KCNB2: variants seen among roughly 807,000 people sequenced by gnomAD.
KCNB2 encodes potassium voltage-gated channel subfamily B member 2.
Under a neutral mutation model 61.5 loss-of-function variants are expected in KCNB2, and 15 were observed. The observed-to-expected ratio is 0.24, with a 90% confidence interval of 0.16 to 0.38. The LOEUF is 0.38. Among genes scored for constraint, KCNB2 ranks in the 10% least tolerant of loss-of-function variants. KCNB2 has a pLI of 1.00. For missense variants in KCNB2, 828 were observed against 1,125.2 expected (o/e 0.74, Z 3.78); for synonymous variants, 457 against 446.0 (o/e 1.02, Z -0.31).
chr8:72,621,562 T>C (rs1484135733), intron 2 of KCNB2, among the ~76,000 whole-genome samples: 1 of 152,200 alleles, frequency 6.6e-6, no homozygotes, highest in Admixed American at 6.5e-5. Flanking sequence ...TTAATGTTCG[T>C]GGGTACATAG....
chr8:72,886,155 C>A (rs1404335431), intron 2 of KCNB2, among the ~76,000 whole-genome samples: 1 of 152,098 alleles, frequency 6.6e-6, no homozygotes, highest in African/African-American at 2.4e-5. Flanking sequence ...TTTTAGATAT[C>A]CTGTGTACCT....
intron 2 of KCNB2, among the ~76,000 whole-genome samples, chr8:72,586,008 T>C (rs1471067869): frequency 6.6e-6 from 1 of 152,234 alleles, no homozygotes; most frequent in Non-Finnish European, 1.5e-5. Context: ...TCTCTTTCAC[T>C]CTAAGTAGAC....
At chr8:72,930,398 C>T (rs1191953788) in intron 2 of KCNB2, among the ~76,000 whole-genome samples, 2 of 152,034 alleles carry the variant, frequency 1.3e-5, no homozygotes, top group Non-Finnish European at 2.9e-5. Context: ...ATGGTTGAAC[C>T]AGTTTACAGT....
At chr8:72,845,606 G>A (rs1809975565) in intron 2 of KCNB2, among the ~76,000 whole-genome samples, 1 of 152,222 alleles carries the variant, frequency 6.6e-6, no homozygotes, top group East Asian at 1.9e-4. Flanking sequence ...CCCGACTGGG[G>A]CTGCTGCCTT....
chr8:72,817,864 C>G (rs765641352), intron 2 of KCNB2, among the ~76,000 whole-genome samples: 1 of 152,088 alleles, frequency 6.6e-6, no homozygotes, highest in African/African-American at 2.4e-5. Flanking sequence ...CATTCTCAGT[C>G]GTTCTAAAAT....
intron 2 of KCNB2, among the ~76,000 whole-genome samples, chr8:72,869,748 TA>T (rs1458940298): frequency 9.2e-5 from 14 of 152,192 alleles, no homozygotes; most frequent in Non-Finnish European, 4.4e-5. Flanking sequence ...GGTTGAAATG[TA>T]AATGAGTATA....
chr8:72,614,573 T>C (rs1169662410), intron 2 of KCNB2, among the ~76,000 whole-genome samples: 1 of 152,170 alleles, frequency 6.6e-6, no homozygotes, highest in African/African-American at 2.4e-5. Context: ...CTGACTGTTG[T>C]TGTTAGTGGA....
intron 2 of KCNB2, among the ~76,000 whole-genome samples, chr8:72,627,950 T>G (rs1805816580): frequency 6.6e-6 from 1 of 152,154 alleles, no homozygotes; most frequent in Non-Finnish European, 1.5e-5. Context: ...ACTTTTTTTT[T>G]GGCTTTTTGT....
intron 2 of KCNB2, among the ~76,000 whole-genome samples, chr8:72,638,399 C>A (rs143572170): frequency 2.6e-5 from 4 of 152,190 alleles, no homozygotes; most frequent in East Asian, 1.9e-4. Context: ...CTATTTCCAC[C>A]TAGCACACTG....
At chr8:72,701,106 A>G (rs138747610) in intron 2 of KCNB2, among the ~76,000 whole-genome samples, 17 of 152,108 alleles carry the variant, frequency 1.1e-4, no homozygotes, top group African/African-American at 3.9e-4. Context: ...AGAGTTGAAA[A>G]ACTAACTGTT....
intron 2 of KCNB2, among the ~76,000 whole-genome samples, chr8:72,900,522 A>G (rs1585963017): frequency 6.6e-6 from 1 of 152,160 alleles, no homozygotes; most frequent in East Asian, 1.9e-4. Context: ...AAAGAGCTTC[A>G]GCACAGCAAA....
chr8:72,933,500 A>T (rs1419179376), intron 2 of KCNB2, among the ~76,000 whole-genome samples: 1 of 152,250 alleles, frequency 6.6e-6, no homozygotes, highest in African/African-American at 2.4e-5. Flanking sequence ...AATCTAGAGT[A>T]TGGATTGTCA....
intron 1 of KCNB2, among the ~76,000 whole-genome samples, chr8:72,562,454 C>CT (rs1041395697): frequency 3.9e-5 from 6 of 152,016 alleles, no homozygotes; most frequent in African/African-American, 4.8e-5. Flanking sequence ...TACAGAGCTG[C>CT]TTTTTTTTCT....
chr8:72,663,512 A>G (rs1806413297), intron 2 of KCNB2, among the ~76,000 whole-genome samples: 1 of 152,130 alleles, frequency 6.6e-6, no homozygotes, highest in Non-Finnish European at 1.5e-5. Context: ...TTAGACAGTC[A>G]TTTGGTCTAT....
chr8:72,791,425 T>G (rs956328682), intron 2 of KCNB2, among the ~76,000 whole-genome samples: 3 of 152,120 alleles, frequency 2.0e-5, no homozygotes, highest in African/African-American at 4.8e-5. Flanking sequence ...GATGCATACC[T>G]GTGGTCCCAG....
Position 72,554,092 on chromosome 8 carries a change from A to T in KCNB2, c.-93-13550A>T, listed in dbSNP as rs1806384868. Among the ~76,000 whole-genome samples the T allele has an allele frequency of 2.0e-5, 3 of 152,114 alleles. No homozygotes were observed. In the South Asian group the frequency reaches 6.2e-4, roughly 31 times the overall value. On this transcript the variant is annotated intron_variant, in intron 1 of 2. Transcript: ENST00000523207. ...ACATTTAAATCAGGGAGACAGTTTC[A>T]ACTAGGTGCTAGTTAAATACATATT... is the stretch of plus-strand genomic sequence containing the variant.
intron 2 of KCNB2, among the ~76,000 whole-genome samples, chr8:72,786,657 T>C (rs533701160): frequency 2.6e-5 from 4 of 152,322 alleles, no homozygotes; most frequent in African/African-American, 9.6e-5. Flanking sequence ...GGACAGATTA[T>C]TTTACATGAT....
intron 2 of KCNB2, among the ~76,000 whole-genome samples, chr8:72,595,205 C>G (rs569701763): frequency 6.6e-6 from 1 of 152,226 alleles, no homozygotes; most frequent in South Asian, 2.1e-4. Flanking sequence ...TCATTTCCCA[C>G]TCTGTTCCAG....
At chr8:72,822,902 G>A (rs965723334) in intron 2 of KCNB2, among the ~76,000 whole-genome samples, 1 of 151,870 alleles carries the variant, frequency 6.6e-6, no homozygotes, top group Non-Finnish European at 1.5e-5. Flanking sequence ...TCCATGACAG[G>A]TGTCACTGTG....
Sources: gnomAD v4.1 joint callset for allele counts (sites outside exome capture counted in the v4.1 genomes callset) on GRCh38, gnomAD v4.1.1 for gene constraint, MANE v1.5 for transcripts, NCBI Gene and HGNC (gene_info 2026-07-23, HGNC 2026-07-21) for gene names.